NRG1: variants seen among roughly 807,000 people sequenced by gnomAD.
The protein encoded by NRG1 is neuregulin 1.
NRG1 carries 18 observed loss-of-function variants against 63.8 expected under a neutral mutation model. The observed-to-expected ratio is 0.28, with a 90% confidence interval of 0.19 to 0.42. NRG1 has a LOEUF of 0.42. NRG1 is among the 10% of genes least tolerant of loss of function. The pLI, the probability that NRG1 is intolerant of heterozygous loss-of-function variation, is 1.00. For synonymous variants in NRG1, 302 were observed against 301.3 expected, an observed-to-expected ratio of 1.00 and a Z score of -0.02; for missense variants, 762 against 814.7, an observed-to-expected ratio of 0.94 and a Z score of 0.79.
At chr8:32,009,267 T>C (rs1814334563) in intron 1 of NRG1, among the ~76,000 whole-genome samples, 2 of 152,086 alleles carry the variant, frequency 1.3e-5, no homozygotes, top group African/African-American at 4.8e-5. Flanking sequence ...AACAGTTTCA[T>C]CTTCCTCTTC....
rs35510271 is a variant in NRG1, at chr8:32,331,365, CAAAA to C, written c.38-264449_38-264446del. Among the ~76,000 whole-genome samples the C allele has an allele frequency of 4.0e-3, 466 of 115,478 alleles. 5 individuals are homozygous for C. The highest frequency in any genetic ancestry group is 0.015 in the African/African-American group (445 of 29,974). 75.8% of individuals were successfully genotyped at this position (115,478 alleles called of 152,430 possible). A position where few individuals can be genotyped will look rare whatever the true frequency, so the allele number is the denominator to read the frequency against. On this transcript the variant is annotated intron_variant, in intron 1 of 10. Transcript: ENST00000519301. Reference sequence around the variant, plus strand: ...GAAACTCCCAACTCTACAAAAAATACAAAAAAAAAAAAAAAAATAGCTGGGTGTG... The same window carrying C: ...GAAACTCCCAACTCTACAAAAAATACAAAAAAAAAAAAATAGCTGGGTGTG...
chr8:32,220,057 T>C (rs932014148), intron 1 of NRG1, among the ~76,000 whole-genome samples: 1 of 152,134 alleles, frequency 6.6e-6, no homozygotes, highest in Non-Finnish European at 1.5e-5. Flanking sequence ...GAATTCCTCG[T>C]AGGTTTAAGA....
chr8:32,671,298 G>T (rs1357487026), intron 5 of NRG1, among the ~76,000 whole-genome samples: 1 of 152,030 alleles, frequency 6.6e-6, no homozygotes, highest in Non-Finnish European at 1.5e-5. Flanking sequence ...TCTGCTTCAG[G>T]ATTCCTTCTG....
chr8:32,344,418 CATGTGTGTGTGTGT>C (rs1272709018), intron 1 of NRG1, among the ~76,000 whole-genome samples: 1,236 of 92,406 alleles, frequency 0.013, 43 homozygotes, highest in Non-Finnish European at 0.02. Context: ...TGCGTGCATG[CATGTGTGTGTGTGT>C]GTGTGTGTGT....
chr8:31,950,101 G>A (rs1036411446), intron 1 of NRG1, among the ~76,000 whole-genome samples: 1 of 152,160 alleles, frequency 6.6e-6, no homozygotes, highest in South Asian at 2.1e-4. Flanking sequence ...GGTTTGGAAT[G>A]GGGAAAATAA....
At chr8:32,241,134 C>G (rs750133954) in intron 1 of NRG1, among the ~76,000 whole-genome samples, 1 of 152,092 alleles carries the variant, frequency 6.6e-6, no homozygotes, top group Non-Finnish European at 1.5e-5. Context: ...TTCTGATTCA[C>G]TAGGTCTGGG....
At chr8:31,691,681 T>TAAGTTA (rs1302399903) in intron 1 of NRG1, among the ~76,000 whole-genome samples, 1 of 151,544 alleles carries the variant, frequency 6.6e-6, no homozygotes, top group Non-Finnish European at 1.5e-5. Context: ...TTAATTTTAA[T>TAAGTTA]AAGTTAAAGT....
At chr8:32,143,122 G>T (rs1177084480) in intron 1 of NRG1, among the ~76,000 whole-genome samples, 1 of 152,138 alleles carries the variant, frequency 6.6e-6, no homozygotes, top group African/African-American at 2.4e-5. Flanking sequence ...CCTCTAAGCT[G>T]CAGCCTCTGT....
chr8:32,626,377 T>C (rs1485108633), intron 5 of NRG1, among the ~76,000 whole-genome samples: 2 of 149,566 alleles, frequency 1.3e-5, no homozygotes, highest in African/African-American at 2.5e-5. Flanking sequence ...TTTTTTGTAA[T>C]ATTCCTTAAG....
intron 1 of NRG1, among the ~76,000 whole-genome samples, chr8:32,537,195 CAAAAAAAAAA>C (rs71208193): frequency 4.6e-5 from 2 of 43,814 alleles, no homozygotes; most frequent in East Asian, 7.3e-4. Context: ...GACTCCATCT[CAAAAAAAAAA>C]AAAAAAAAAA....
chr8:32,054,521 CAT>C (rs1284960276), intron 1 of NRG1, among the ~76,000 whole-genome samples: 1 of 152,154 alleles, frequency 6.6e-6, no homozygotes, highest in African/African-American at 2.4e-5. Context: ...GTATGTTAAT[CAT>C]GTGTTATTGT....
intron 1 of NRG1, among the ~76,000 whole-genome samples, chr8:32,364,147 A>T (rs1304159220): frequency 6.8e-6 from 1 of 147,446 alleles, no homozygotes; most frequent in East Asian, 2.0e-4. Flanking sequence ...ACAAATATAC[A>T]TATATGTGTG....
At chr8:31,875,941 T>A (rs1333593847) in intron 1 of NRG1, among the ~76,000 whole-genome samples, 2 of 152,120 alleles carry the variant, frequency 1.3e-5, no homozygotes, top group East Asian at 3.9e-4. Flanking sequence ...TAGGTTTGTG[T>A]TCTGGGAATC....
chr8:32,367,667 T>C (rs182009159), intron 1 of NRG1, among the ~76,000 whole-genome samples: 4 of 152,268 alleles, frequency 2.6e-5, no homozygotes, highest in Admixed American at 2.0e-4. Flanking sequence ...TGATGTGCTG[T>C]TAGTTTTTAG....
intron 5 of NRG1, among the ~76,000 whole-genome samples, chr8:32,718,053 A>G (rs1355563603): frequency 6.6e-6 from 1 of 152,194 alleles, no homozygotes; most frequent in South Asian, 2.1e-4. Context: ...GGTATTGTCC[A>G]TCTTAATGGG....
At chr8:31,855,705 T>C (rs939719926) in intron 1 of NRG1, among the ~76,000 whole-genome samples, 1 of 152,210 alleles carries the variant, frequency 6.6e-6, no homozygotes, top group Non-Finnish European at 1.5e-5. Flanking sequence ...TTCTTCCTAG[T>C]ATCGATGGTC....
chr8:32,540,884 T>C (rs184020603), intron 1 of NRG1, among the ~76,000 whole-genome samples: 2 of 145,722 alleles, frequency 1.4e-5, no homozygotes, highest in African/African-American at 4.9e-5. Flanking sequence ...AAGAATGTAA[T>C]CTTCTGCATG....
At chr8:31,687,288 T>C (rs1363375759) in intron 1 of NRG1, among the ~76,000 whole-genome samples, 1 of 152,064 alleles carries the variant, frequency 6.6e-6, no homozygotes, top group East Asian at 1.9e-4. Flanking sequence ...ATGAAGAAAG[T>C]TAAGCCACAC....
intron 1 of NRG1, among the ~76,000 whole-genome samples, chr8:31,682,770 C>T (rs1808472378): frequency 6.6e-6 from 1 of 152,008 alleles, no homozygotes; most frequent in Non-Finnish European, 1.5e-5. Context: ...TAAAAAAATG[C>T]AGTCGAATAA....
Sources: allele counts gnomAD v4.1 joint callset (sites outside exome capture counted in the v4.1 genomes callset), GRCh38; gene constraint gnomAD v4.1.1; transcripts MANE v1.5; gene names NCBI Gene and HGNC (gene_info 2026-07-23, HGNC 2026-07-21).